CASZ1: variants seen among roughly 807,000 people sequenced by gnomAD.
CASZ1 encodes castor zinc finger 1.
A neutral mutation model predicts 135.2 loss-of-function variants in CASZ1; 28 were observed. The observed-to-expected ratio is 0.21, with a 90% CI of 0.15 to 0.28. The LOEUF (loss-of-function observed/expected upper bound fraction) is 0.28. Ranked by LOEUF, CASZ1 falls within the 10% of genes least tolerant of loss-of-function variation. The pLI, the probability that CASZ1 is intolerant of heterozygous loss-of-function variation, is 1.00. For missense variants in CASZ1, 2,161 were observed against 2,453.3 expected, an observed-to-expected ratio of 0.88 and a Z score of 2.52; for synonymous variants, 1,068 against 1,073.4, an observed-to-expected ratio of 0.99 and a Z score of 0.10.
At chr1:10,752,420 C>T (rs897620373) in intron 2 of CASZ1, among the ~76,000 whole-genome samples, 25 of 152,220 alleles carry the variant, frequency 1.6e-4, no homozygotes, top group African/African-American at 5.5e-4. Flanking sequence ...TGCTCCCCAG[C>T]CTGGTGGCCA....
intron 4 of CASZ1, among the ~76,000 whole-genome samples, chr1:10,670,115 C>T (rs1399210159): frequency 1.3e-5 from 2 of 152,162 alleles, no homozygotes; most frequent in Non-Finnish European, 2.9e-5. Flanking sequence ...CCTGCCTTCC[C>T]ACTGCCAGGC....
At chr1:10,671,363 C>T (rs1643392707) in intron 4 of CASZ1, among the ~76,000 whole-genome samples, 1 of 152,242 alleles carries the variant, frequency 6.6e-6, no homozygotes, top group African/African-American at 2.4e-5. Context: ...TTTGTACAAT[C>T]CCGTTATATT....
intron 5 of CASZ1, among the ~76,000 whole-genome samples, chr1:10,662,687 AAC>A (rs1557482970): frequency 6.6e-6 from 1 of 151,930 alleles, no homozygotes; most frequent in Admixed American, 6.6e-5. Context: ...TCTCACATAA[AAC>A]ACACATACCC....
chr1:10,653,398 G>T lies in CASZ1; in HGVS notation c.2659C>A (p.Pro887Thr). The T allele has an allele frequency of 6.2e-7, 1 of 1,613,300 alleles. No homozygotes were observed. Among genetic ancestry groups the T allele is most frequent in the South Asian group, 1.1e-5 (1 of 91,084 alleles). Residue 887 changes from proline to threonine, a missense_variant, in exon 11 of 21, where the codon CCC becomes ACC. Around this residue, in one of 7 missense-constraint regions of CASZ1, gnomAD observed 406 missense variants for 387.6 expected, o/e 1.05. Transcript: ENST00000377022. ...MARLAAAALK[P>T]SATFDPGSGQ... ...TCACCTGGGTCAAAGGTGGCAGAGG[G>T]CTTGAGGGCAGCTGCAGCCAGCCTG... is the stretch of plus-strand genomic sequence containing the variant.
At chr1:10,795,660 C>A (rs1246283039) in intron 1 of CASZ1, among the ~76,000 whole-genome samples, 2 of 152,222 alleles carry the variant, frequency 1.3e-5, no homozygotes, top group Non-Finnish European at 2.9e-5. Flanking sequence ...TGGGCCGATG[C>A]CCCGGCTCCC....
chr1:10,715,680 C>T (rs1639369376), intron 2 of CASZ1, among the ~76,000 whole-genome samples: 2 of 139,348 alleles, frequency 1.4e-5, no homozygotes, highest in African/African-American at 2.7e-5. Context: ...ACCCAATCCG[C>T]TCCCTGCAGC....
chr1:10,777,841 T>A lies in CASZ1; in HGVS notation c.-233-16984A>T, dbSNP rs1319597194. 6.6e-6 allele frequency among the ~76,000 whole-genome samples: 1 copy of A among 151,588 alleles called. No individual in the cohort carries two copies. Among genetic ancestry groups the A allele is most frequent in the African/African-American group, 2.4e-5 (1 of 41,168 alleles). On this transcript the variant is annotated intron_variant, in intron 1 of 20. Coordinates refer to ENST00000377022, the MANE Select transcript of CASZ1 (RefSeq NM_001079843.3). This position sits in a 1 kb window ranked among gnomAD's most constrained non-coding sequence, Gnocchi z 4.4. ...CACAATCCCACAACCACACACAATC[T>A]CACACACTCTCATATACAATGACTC...
chr1:10,648,292 CAGA>C, intron 15 of CASZ1, 153 bp from the exon 16 acceptor site: 1 of 598,136 alleles, frequency 1.7e-6, no homozygotes, highest in Non-Finnish European at 2.8e-6. Flanking sequence ...CCCACCAGGA[CAGA>C]AGGACTGGAG....
intron 4 of CASZ1, among the ~76,000 whole-genome samples, chr1:10,688,745 T>C (rs1193711259): frequency 6.6e-6 from 1 of 152,224 alleles, no homozygotes; most frequent in Non-Finnish European, 1.5e-5. Context: ...GGTGCTGTTC[T>C]GTGGCCAGGC....
chr1:10,686,204 G>A (rs549741158), intron 4 of CASZ1, among the ~76,000 whole-genome samples: 1 of 152,310 alleles, frequency 6.6e-6, no homozygotes, highest in South Asian at 2.1e-4. Context: ...TCCCTCTCAA[G>A]GTCACAGGGC....
At chr1:10,695,354 C>T (rs1638906526) in intron 3 of CASZ1, among the ~76,000 whole-genome samples, 1 of 152,168 alleles carries the variant, frequency 6.6e-6, no homozygotes, top group Non-Finnish European at 1.5e-5. Flanking sequence ...TCCGGTCTTT[C>T]TGCCCACTCC....
At chr1:10,766,425 G>A (rs757692888) in intron 1 of CASZ1, among the ~76,000 whole-genome samples, 1 of 152,194 alleles carries the variant, frequency 6.6e-6, no homozygotes, top group East Asian at 1.9e-4. Flanking sequence ...TCTGCGAACC[G>A]TCATGAGGAT....
At chr1:10,792,959 A>G (rs972332861) in intron 1 of CASZ1, among the ~76,000 whole-genome samples, 12 of 152,186 alleles carry the variant, frequency 7.9e-5, no homozygotes, top group African/African-American at 2.4e-4. Context: ...GTCAGGATCT[A>G]AAAGAGGAGC....
chr1:10,791,334 C>A (rs1640952755), intron 1 of CASZ1, among the ~76,000 whole-genome samples: 1 of 152,192 alleles, frequency 6.6e-6, no homozygotes, highest in Non-Finnish European at 1.5e-5. Flanking sequence ...CTTAGTCTTT[C>A]CAATTAACTA....
At chr1:10,793,941 G>A (rs1396161859) in intron 1 of CASZ1, among the ~76,000 whole-genome samples, 4 of 152,140 alleles carry the variant, frequency 2.6e-5, no homozygotes, top group East Asian at 3.9e-4. Context: ...CGCGACGCCC[G>A]CCCGGGACGC....
chr1:10,685,637 T>A (rs2100377969), intron 4 of CASZ1, among the ~76,000 whole-genome samples: 1 of 152,326 alleles, frequency 6.6e-6, no homozygotes, highest in South Asian at 2.1e-4. Flanking sequence ...TGGCCTCCGC[T>A]GTTTTCTCTC....
chr1:10,745,486 G>C (rs1463103359), intron 2 of CASZ1, among the ~76,000 whole-genome samples: 1 of 152,182 alleles, frequency 6.6e-6, no homozygotes, highest in African/African-American at 2.4e-5. Context: ...AGGGGGTGTG[G>C]GCAGGGCCGG....
In CASZ1 at chr1:10,640,017, C is replaced by T; in HGVS notation, c.4205G>A (p.Arg1402His). ...SMPTASGAKK[R>H]FWIIEDMSPF... ...CGACATGTCCTCGATGATCCAGAAG[C>T]GCTTTTTGGCCCCCGAGGCTGTCGG... is the stretch of plus-strand genomic sequence containing the variant. Residue 1402 changes from arginine (R) to histidine (H), a missense_variant, in exon 21 of 21, where the codon CGC (arginine) becomes CAC (histidine). Physicochemically the swap from Arg to His is conservative, Grantham distance 29. Coordinates refer to ENST00000377022, the MANE Select transcript of CASZ1 (RefSeq NM_001079843.3). 1 of 1,611,440 alleles carries T rather than the reference C, an allele frequency of 6.2e-7. No individual in the cohort carries two copies. The highest frequency in any genetic ancestry group is 8.5e-7 in the Non-Finnish European group (1 of 1,179,898).
chr1:10,781,820 A>T (rs1300742025), intron 1 of CASZ1, among the ~76,000 whole-genome samples: 1 of 152,226 alleles, frequency 6.6e-6, no homozygotes, highest in Non-Finnish European at 1.5e-5. Flanking sequence ...GATAGGTGCT[A>T]TCGTGAACCC....
Sources: allele counts gnomAD v4.1 joint callset (sites outside exome capture counted in the v4.1 genomes callset), GRCh38; gene constraint gnomAD v4.1.1; regional missense constraint gnomAD v4.1.1; non-coding constraint Gnocchi (gnomAD v3.1); transcripts MANE v1.5; gene names NCBI Gene and HGNC (gene_info 2026-07-23, HGNC 2026-07-21).